INPP4B: variants seen among roughly 807,000 people sequenced by gnomAD.
The protein encoded by INPP4B is inositol polyphosphate-4-phosphatase type II B.
INPP4B carries 55 observed loss-of-function variants against 122.5 expected under a neutral mutation model. The observed-to-expected ratio is 0.45, with a 90% CI of 0.36 to 0.56. INPP4B has a LOEUF of 0.56. Among genes scored for constraint, INPP4B ranks in the 20% least tolerant of loss-of-function variants. The pLI is 0.00. For missense variants in INPP4B, 1,000 were observed against 1,097.7 expected (o/e 0.91, Z 1.26); for synonymous variants, 403 against 388.7 (o/e 1.04, Z -0.43).
chr4:142,506,300 A>G (rs565368771), intron 2 of INPP4B, among the ~76,000 whole-genome samples: 2 of 152,308 alleles, frequency 1.3e-5, no homozygotes, highest in Admixed American at 1.3e-4. Flanking sequence ...GAGGTGCCAG[A>G]CACTCCCACC....
intron 2 of INPP4B, among the ~76,000 whole-genome samples, chr4:142,484,784 C>T (rs1821006344): frequency 6.6e-6 from 1 of 151,920 alleles, no homozygotes; most frequent in Admixed American, 6.6e-5. Flanking sequence ...TTCGACAGGT[C>T]CCTGTGTGTG....
At chr4:142,162,084 C>T (rs1471256668) in intron 16 of INPP4B, among the ~76,000 whole-genome samples, 2 of 151,732 alleles carry the variant, frequency 1.3e-5, no homozygotes, top group African/African-American at 2.4e-5. Context: ...TGTGTAACTA[C>T]TTTACTGCTA....
intron 2 of INPP4B, among the ~76,000 whole-genome samples, chr4:142,622,047 A>T (rs759756667): frequency 2.6e-5 from 4 of 151,972 alleles, no homozygotes; most frequent in African/African-American, 4.8e-5. Flanking sequence ...TCTAAAGTCC[A>T]TGTGCTTAAA....
chr4:142,512,011 T>C (rs1268812431), intron 2 of INPP4B, among the ~76,000 whole-genome samples: 1 of 152,176 alleles, frequency 6.6e-6, no homozygotes, highest in Non-Finnish European at 1.5e-5. Context: ...GCCATAGCCA[T>C]TTATAAGACA....
At chr4:142,130,106 G>A (rs1800562820) in intron 18 of INPP4B, among the ~76,000 whole-genome samples, 1 of 152,200 alleles carries the variant, frequency 6.6e-6, no homozygotes, top group Non-Finnish European at 1.5e-5. Context: ...TCTCTGGTGA[G>A]AAGACTGTGT....
chr4:142,734,845 A>G (rs1766613297), intron 1 of INPP4B, among the ~76,000 whole-genome samples: 1 of 152,144 alleles, frequency 6.6e-6, no homozygotes, highest in Non-Finnish European at 1.5e-5. Flanking sequence ...GGGTTACACC[A>G]TGTTGGTCAG....
At chr4:142,432,204 G>C (rs1809472687) in intron 3 of INPP4B, among the ~76,000 whole-genome samples, 1 of 151,986 alleles carries the variant, frequency 6.6e-6, no homozygotes, top group Non-Finnish European at 1.5e-5. Context: ...CAAGTTACCA[G>C]CTGAATTAAA....
At chr4:142,379,102 C>A (rs182713154) in intron 7 of INPP4B, among the ~76,000 whole-genome samples, 29 of 152,168 alleles carry the variant, frequency 1.9e-4, no homozygotes, top group African/African-American at 6.5e-4. Context: ...TTTCAAAAAA[C>A]CCAAAATGGC....
chr4:142,367,534 G>A (rs1033740151), intron 7 of INPP4B, among the ~76,000 whole-genome samples: 1 of 151,944 alleles, frequency 6.6e-6, no homozygotes, highest in African/African-American at 2.4e-5. Flanking sequence ...TCCATTTCAC[G>A]AAGAGGAAAC....
Position 142,431,226 on chromosome 4 carries a change from C to G in INPP4B, c.34G>C (p.Gly12Arg), listed in dbSNP as rs200776578. ...TGGGCTGTAGGAAGAAAGTGCTGCCCTTCTTCTGATGCCCCTTCCTCTTTA... is the reference window on the plus strand; with the variant it reads ...TGGGCTGTAGGAAGAAAGTGCTGCCGTTCTTCTGATGCCCCTTCCTCTTTA... Reference protein sequence around the residue: ...EIKEEGASEEGQHFLPTAQAN... With the variant: ...EIKEEGASEERQHFLPTAQAN... The change falls in exon 4 of 26, where the codon GGG becomes CGG. Residue 12 changes from glycine to arginine, a missense_variant. By Grantham distance (125) the Gly-to-Arg change is moderately radical. Transcript: ENST00000262992. The G allele has an allele frequency of 1.2e-6, 2 of 1,613,386 alleles. No individual in the cohort carries two copies. The highest frequency in any genetic ancestry group is 1.7e-6 in the Non-Finnish European group (2 of 1,179,472).
intron 25 of INPP4B, among the ~76,000 whole-genome samples, chr4:142,042,516 G>GTATGTA (rs1748412979): frequency 1.9e-4 from 9 of 48,128 alleles, no homozygotes; most frequent in African/African-American, 2.4e-4. Context: ...TTATGTGTGT[G>GTATGTA]TGTATGTATG....
chr4:142,224,408 T>A (rs759008939), intron 12 of INPP4B, among the ~76,000 whole-genome samples: 1 of 152,152 alleles, frequency 6.6e-6, no homozygotes, highest in Non-Finnish European at 1.5e-5. Context: ...GCTATCATTT[T>A]GAAATAAAAT....
At chr4:142,485,865 G>C (rs768684964) in intron 2 of INPP4B, among the ~76,000 whole-genome samples, 1 of 152,060 alleles carries the variant, frequency 6.6e-6, no homozygotes, top group Non-Finnish European at 1.5e-5. Flanking sequence ...GCTACGATTG[G>C]CCAGTCACCA....
intron 25 of INPP4B, among the ~76,000 whole-genome samples, chr4:142,061,831 AATGCATATATGTACATAT>A (rs146883016): frequency 0.057 from 8,362 of 147,822 alleles, 280 homozygotes; most frequent in Middle Eastern, 0.089. Context: ...GTCATATATA[AATGCATATATGTACATAT>A]ATACATATAT....
At chr4:142,101,256 A>T (rs1032998579) in intron 23 of INPP4B, among the ~76,000 whole-genome samples, 2 of 152,142 alleles carry the variant, frequency 1.3e-5, no homozygotes, top group Non-Finnish European at 2.9e-5. Context: ...AAATAAGCAG[A>T]AAGTGGATTG....
intron 2 of INPP4B, among the ~76,000 whole-genome samples, chr4:142,604,971 T>A (rs1397806931): frequency 6.6e-6 from 1 of 151,874 alleles, no homozygotes; most frequent in Non-Finnish European, 1.5e-5. Flanking sequence ...TCAAAACCTA[T>A]TAGAAGCCTG....
intron 21 of INPP4B, among the ~76,000 whole-genome samples, chr4:142,118,108 G>A (rs10007791): frequency 0.13 from 19,108 of 152,082 alleles, 1,373 homozygotes; most frequent in East Asian, 0.24. Flanking sequence ...ACCTCTGCAA[G>A]GAGAACTACA....
intron 12 of INPP4B, among the ~76,000 whole-genome samples, chr4:142,214,434 T>A (rs1219879324): frequency 2.0e-5 from 3 of 152,220 alleles, no homozygotes; most frequent in African/African-American, 7.2e-5. Context: ...CTTGTCACAT[T>A]CTGCTGTTTA....
At chr4:142,499,224 A>G (rs921970768) in intron 2 of INPP4B, among the ~76,000 whole-genome samples, 1 of 152,186 alleles carries the variant, frequency 6.6e-6, no homozygotes, top group Admixed American at 6.5e-5. Flanking sequence ...CTGAGTTTTA[A>G]TGCCACTGGG....
Sources: allele counts gnomAD v4.1 joint callset (sites outside exome capture counted in the v4.1 genomes callset), GRCh38; gene constraint gnomAD v4.1.1; transcripts MANE v1.5; gene names NCBI Gene and HGNC (gene_info 2026-07-23, HGNC 2026-07-21).